MYPN: variants seen among roughly 807,000 people sequenced by gnomAD.
MYPN encodes the protein sarcomeric protein myopalladin, 145 kDa (MYOP).
A neutral mutation model predicts 129.4 loss-of-function variants in MYPN; 63 were observed. The observed-to-expected ratio is 0.49, with a 90% CI of 0.40 to 0.60. MYPN has a LOEUF of 0.60. Ranked by LOEUF, MYPN falls within the 20% of genes least tolerant of loss-of-function variation. The pLI is 0.00. For missense variants in MYPN, 1,596 were observed against 1,635.4 expected (o/e 0.98, Z 0.42); for synonymous variants, 629 against 600.9 (o/e 1.05, Z -0.68).
intron 13 of MYPN, among the ~76,000 whole-genome samples, chr10:68,194,072 CTA>C: frequency 6.6e-6 from 1 of 152,162 alleles, no homozygotes; most frequent in South Asian, 2.1e-4. Flanking sequence ...GCTTTTAAAA[CTA>C]TGTGTGAAGT....
At chr10:68,203,694 C>T (rs185501857) in intron 18 of MYPN, among the ~76,000 whole-genome samples, 10 of 23,130 alleles carry the variant, frequency 4.3e-4, no homozygotes, top group Admixed American at 7.2e-4. Flanking sequence ...CGCACGCACA[C>T]ACACACACAC....
chr10:68,180,119 G>A (rs1439269841), intron 12 of MYPN, among the ~76,000 whole-genome samples: 3 of 152,116 alleles, frequency 2.0e-5, no homozygotes, highest in Non-Finnish European at 2.9e-5. Flanking sequence ...GACAGGGTAG[G>A]CTATGATAAC....
intron 1 of MYPN, among the ~76,000 whole-genome samples, chr10:68,099,649 A>AC (rs2041972882): frequency 6.6e-6 from 1 of 152,054 alleles, no homozygotes; most frequent in African/African-American, 2.4e-5. Flanking sequence ...CAAAAAAAAA[A>AC]AAGTAACTAA....
chr10:68,118,557 C>T (rs922384903), intron 1 of MYPN, among the ~76,000 whole-genome samples: 2 of 152,150 alleles, frequency 1.3e-5, no homozygotes, highest in African/African-American at 2.4e-5. Flanking sequence ...ACAGGCTAGG[C>T]ACGATGCCTC....
chr10:68,203,712 T>G (rs12360141), intron 18 of MYPN, among the ~76,000 whole-genome samples: 1 of 137,920 alleles, frequency 7.3e-6, no homozygotes, highest in Non-Finnish European at 1.6e-5. Context: ...CACACACACA[T>G]ACACACACAG....
chr10:68,120,892 G>A (rs1292280961), intron 1 of MYPN, among the ~76,000 whole-genome samples: 1 of 152,094 alleles, frequency 6.6e-6, no homozygotes, highest in Non-Finnish European at 1.5e-5. Flanking sequence ...TTAATAAAGT[G>A]GTAATCATCC....
At chr10:68,118,931 T>G (rs1302981004) in intron 1 of MYPN, among the ~76,000 whole-genome samples, 2 of 121,862 alleles carry the variant, frequency 1.6e-5, no homozygotes, top group East Asian at 3.1e-4. Flanking sequence ...GGAAGGAAAT[T>G]TAAAAAACCA....
chr10:68,170,044 A>G (rs1031490693), intron 10 of MYPN, among the ~76,000 whole-genome samples: 2 of 152,042 alleles, frequency 1.3e-5, no homozygotes, highest in African/African-American at 2.4e-5. Context: ...ACCCAGACAA[A>G]AGTCACACTC....
chr10:68,121,970 T>C lies in MYPN; in HGVS notation c.532T>C (p.Cys178Arg). ...HSSKRIRPRA[C>R]KNHKSKLESQ... is the part of the protein sequence containing the mutation. ...CTCCAAAAGGATTAGACCTCGTGCCTGCAAAAACCACAAGAGTAAACTGGA... is the reference window on the plus strand; with the variant it reads ...CTCCAAAAGGATTAGACCTCGTGCCCGCAAAAACCACAAGAGTAAACTGGA... The change falls in exon 2 of 20, where the codon TGC (cysteine) becomes CGC (arginine). Residue 178 changes from cysteine to arginine, a missense_variant. Transcript: ENST00000358913. 6.2e-7 allele frequency: 1 copy of C among 1,614,202 alleles called. No individual in the cohort carries two copies. The highest frequency in any genetic ancestry group is 8.5e-7 in the Non-Finnish European group (1 of 1,180,040).
intron 8 of MYPN, among the ~76,000 whole-genome samples, chr10:68,162,927 C>T (rs2043000474): frequency 6.6e-6 from 1 of 152,158 alleles, no homozygotes; most frequent in South Asian, 2.1e-4. Flanking sequence ...GGTTCTCATG[C>T]TGATCTCGAT....
chr10:68,198,595 C>T (rs537406905), intron 16 of MYPN, among the ~76,000 whole-genome samples: 1 of 152,286 alleles, frequency 6.6e-6, no homozygotes, highest in South Asian at 2.1e-4. Flanking sequence ...ATCCCCCTCC[C>T]TAAACTCTGA....
upstream of MYPN, among the ~76,000 whole-genome samples, chr10:68,101,751 C>T (rs1244126909): frequency 6.6e-6 from 1 of 151,952 alleles, no homozygotes; most frequent in Non-Finnish European, 1.5e-5. Context: ...CTTCTGATAG[C>T]TTATTATATT....
At chr10:68,106,297 T>G, upstream of MYPN, 1 of 387,254 alleles carries the variant, frequency 2.6e-6, no homozygotes, top group South Asian at 1.9e-5. Context: ...AGTTTTTTTT[T>G]TTAATGTTTT....
chr10:68,207,847 G>C (rs148467890), intron 19 of MYPN, among the ~76,000 whole-genome samples: 83 of 152,166 alleles, frequency 5.5e-4, no homozygotes, highest in African/African-American at 1.9e-3. Context: ...CCCACCACCT[G>C]GAACAGCCCA....
chr10:68,118,907 AAGGAAGGAAGGAAG>A (rs2042198397), intron 1 of MYPN, among the ~76,000 whole-genome samples: 1 of 151,298 alleles, frequency 6.6e-6, no homozygotes, highest in East Asian at 1.9e-4. Flanking sequence ...GGAAGGAAGG[AAGGAAGGAAGGAAG>A]GAAGGAAATT....
chr10:68,197,801 A>G (rs2043636530), intron 16 of MYPN, among the ~76,000 whole-genome samples: 1 of 152,150 alleles, frequency 6.6e-6, no homozygotes, highest in Non-Finnish European at 1.5e-5. Context: ...TCCAAGCCCC[A>G]CAGTGAATGC....
At chr10:68,135,858 C>G (rs1016041048) in intron 2 of MYPN, among the ~76,000 whole-genome samples, 2 of 151,746 alleles carry the variant, frequency 1.3e-5, no homozygotes, top group Non-Finnish European at 2.9e-5. Context: ...ACAAATAAAC[C>G]TACAAATAAA....
intron 3 of MYPN, among the ~76,000 whole-genome samples, chr10:68,143,418 G>A (rs570442912): frequency 6.6e-6 from 1 of 152,058 alleles, no homozygotes; most frequent in African/African-American, 2.4e-5. Flanking sequence ...GAGTGTAGGG[G>A]GCGGAGGAGT....
intron 13 of MYPN, among the ~76,000 whole-genome samples, chr10:68,191,585 A>G (rs2043514538): frequency 6.6e-6 from 1 of 152,172 alleles, no homozygotes; most frequent in South Asian, 2.1e-4. Flanking sequence ...TCTGTATATC[A>G]CGTTGAGCAG....
Sources: allele counts gnomAD v4.1 joint callset (sites outside exome capture counted in the v4.1 genomes callset), GRCh38; gene constraint gnomAD v4.1.1; transcripts MANE v1.5; gene names NCBI Gene and HGNC (gene_info 2026-07-23, HGNC 2026-07-21).